The following DENND1B variants were observed in gnomAD, a reference collection of about 807,000 sequenced individuals.
DENND1B encodes the protein DENN domain containing 1B, also known as DENN domain-containing protein 1B.
In DENND1B, 59 loss-of-function variants were observed where a neutral mutation model predicts 90.1. The ratio of observed to expected loss-of-function variants is 0.65; its 90% confidence interval spans 0.53 to 0.81. The LOEUF (loss-of-function observed/expected upper bound fraction) is 0.81, where lower values mean the gene tolerates loss of function less well. DENND1B is among the 40% of genes least tolerant of loss of function. The probability of loss-of-function intolerance (pLI) is 0.00; values close to 1 mark genes in which losing one functional copy is unlikely to be tolerated. For missense variants in DENND1B, 862 were observed against 912.6 expected (o/e 0.94, Z 0.71); for synonymous variants, 337 against 324.6 (o/e 1.04, Z -0.41).
intron 10 of DENND1B, among the ~76,000 whole-genome samples, chr1:197,623,054 C>G (rs1294301267): frequency 6.6e-6 from 1 of 151,234 alleles, no homozygotes; most frequent in African/African-American, 2.4e-5. Flanking sequence ...ACTATTCTAG[C>G]CTCTGTATCA....
chr1:197,754,646 C>T lies in DENND1B; in HGVS notation c.82+18222G>A, dbSNP rs565160304. On this transcript the variant is annotated intron_variant, in intron 2 of 22. Coordinates refer to ENST00000620048, the MANE Select transcript of DENND1B (RefSeq NM_001195215.2). Reference sequence around the variant, plus strand: ...CCGCACTCTAGCCTGGGCAACAATGCGAGACTCTGTCTCAAAAAAAAAAAA... The same window carrying T: ...CCGCACTCTAGCCTGGGCAACAATGTGAGACTCTGTCTCAAAAAAAAAAAA... Among the ~76,000 whole-genome samples, 5 of 99,576 alleles carry T rather than the reference C, an allele frequency of 5.0e-5. No homozygotes were observed. The East Asian group carries it at 9.7e-4, about 19-fold the overall frequency. 65.3% of individuals were successfully genotyped at this position (99,576 alleles called of 152,430 possible).
intron 16 of DENND1B, among the ~76,000 whole-genome samples, chr1:197,551,797 A>G (rs1229395098): frequency 6.6e-6 from 1 of 152,168 alleles, no homozygotes; most frequent in Admixed American, 6.6e-5. Context: ...GTCTGAGTTG[A>G]GAAGTAAAAA....
chr1:197,603,309 A>G (rs1357552317), intron 13 of DENND1B, among the ~76,000 whole-genome samples: 2 of 151,372 alleles, frequency 1.3e-5, no homozygotes, highest in African/African-American at 4.8e-5. Flanking sequence ...TATTCATTAC[A>G]TTGTATATCA....
intron 20 of DENND1B, among the ~76,000 whole-genome samples, chr1:197,518,701 T>C (rs1489077247): frequency 6.6e-6 from 1 of 151,838 alleles, no homozygotes; most frequent in Admixed American, 6.6e-5. Flanking sequence ...GGCTCTAGAT[T>C]TACAATGCAA....
intron 2 of DENND1B, among the ~76,000 whole-genome samples, chr1:197,740,751 T>G (rs1049167188): frequency 1.3e-5 from 2 of 152,144 alleles, no homozygotes; most frequent in Admixed American, 1.3e-4. Flanking sequence ...TAGTTGTTGG[T>G]TCAGGCAGAA....
chr1:197,565,491 A>C (rs547082020), intron 15 of DENND1B, among the ~76,000 whole-genome samples: 21 of 149,322 alleles, frequency 1.4e-4, no homozygotes, highest in African/African-American at 4.2e-4. Flanking sequence ...TTTTTCTTTT[A>C]TTTTATTATT....
At chr1:197,686,964 TC>T (rs1423401174) in intron 3 of DENND1B, among the ~76,000 whole-genome samples, 1 of 152,200 alleles carries the variant, frequency 6.6e-6, no homozygotes, top group Non-Finnish European at 1.5e-5. Context: ...ACTTTTCCTC[TC>T]TTTGCTTCAA....
chr1:197,714,102 A>T (rs1484949943), intron 3 of DENND1B, among the ~76,000 whole-genome samples: 1 of 148,206 alleles, frequency 6.7e-6, no homozygotes, highest in Non-Finnish European at 1.5e-5. Context: ...TCAGCCTCCC[A>T]AGTAGCTGAG....
At chr1:197,762,515 A>G (rs1655208972) in intron 2 of DENND1B, among the ~76,000 whole-genome samples, 1 of 152,228 alleles carries the variant, frequency 6.6e-6, no homozygotes, top group Non-Finnish European at 1.5e-5. Context: ...AGTGAAGCCA[A>G]TTAACGCATC....
chr1:197,580,303 T>C (rs1674113788), intron 15 of DENND1B, among the ~76,000 whole-genome samples: 1 of 149,050 alleles, frequency 6.7e-6, no homozygotes, highest in South Asian at 2.2e-4. Context: ...TTTCACCGTA[T>C]TAGCCAGGAT....
intron 4 of DENND1B, 32 bp downstream of exon 4, chr1:197,674,088 T>G: frequency 1.4e-6 from 2 of 1,464,060 alleles, no homozygotes; most frequent in Non-Finnish European, 1.9e-6. Flanking sequence ...TATAAGAATC[T>G]ACATTTATTT....
At chr1:197,536,456 C>T (rs1311668688) in intron 20 of DENND1B, among the ~76,000 whole-genome samples, 93 of 151,980 alleles carry the variant, frequency 6.1e-4, no homozygotes, top group Non-Finnish European at 1.9e-4. Context: ...AACTGTTGGC[C>T]ACCAATTGGC....
chr1:197,591,085 CTTT>C (rs1298300648), intron 14 of DENND1B, among the ~76,000 whole-genome samples: 2 of 152,064 alleles, frequency 1.3e-5, no homozygotes, highest in Non-Finnish European at 2.9e-5. Flanking sequence ...TGGTTTTATT[CTTT>C]TTTGAGAACA....
chr1:197,695,843 CTTT>C (rs765832757), intron 3 of DENND1B, among the ~76,000 whole-genome samples: 34 of 151,062 alleles, frequency 2.3e-4, no homozygotes, highest in Non-Finnish European at 4.0e-4. Context: ...TTTATATCTT[CTTT>C]ATGATGATGC....
At position 197,572,807 on chromosome 1, in the gene DENND1B, C is replaced by A. The variant is rs142786540; in HGVS notation, c.1149+10345G>T. Among the ~76,000 whole-genome samples the A allele has an allele frequency of 5.9e-3, 897 of 152,268 alleles. 13 individuals carry two copies. The highest frequency in any genetic ancestry group is 0.02 in the African/African-American group (839 of 41,546). On this transcript the variant is annotated intron_variant, in intron 15 of 22. Coordinates refer to ENST00000620048, the MANE Select transcript of DENND1B (RefSeq NM_001195215.2). ...GGAGTAGACCTCCAGCAAACTCCAACCGACCTGCAGCTGAGGGACCTGACT... is the reference window on the plus strand; with the variant it reads ...GGAGTAGACCTCCAGCAAACTCCAAACGACCTGCAGCTGAGGGACCTGACT...
At chr1:197,759,672 G>C (rs1654768717) in intron 2 of DENND1B, among the ~76,000 whole-genome samples, 1 of 149,586 alleles carries the variant, frequency 6.7e-6, no homozygotes, top group Non-Finnish European at 1.5e-5. Context: ...GAACCCGGGA[G>C]GTGGAGGTTG....
chr1:197,518,877 C>CA (rs1370265495), intron 20 of DENND1B, among the ~76,000 whole-genome samples: 4 of 151,396 alleles, frequency 2.6e-5, no homozygotes, highest in African/African-American at 7.3e-5. Flanking sequence ...TTGAAATGGG[C>CA]AAAAAAAATA....
At chr1:197,701,607 A>G (rs193136523) in intron 3 of DENND1B, among the ~76,000 whole-genome samples, 1 of 152,100 alleles carries the variant, frequency 6.6e-6, no homozygotes, top group Non-Finnish European at 1.5e-5. Context: ...AAAAGGAGAA[A>G]AGCCAGAACA....
chr1:197,618,330 A>G (rs575571464), intron 10 of DENND1B, among the ~76,000 whole-genome samples: 9 of 151,174 alleles, frequency 6.0e-5, no homozygotes, highest in Non-Finnish European at 1.2e-4. Context: ...GTTCACTGAC[A>G]CATAGAATGT....
Sources: allele counts gnomAD v4.1 joint callset (sites outside exome capture counted in the v4.1 genomes callset), GRCh38; gene constraint gnomAD v4.1.1; transcripts MANE v1.5; gene names NCBI Gene and HGNC (gene_info 2026-07-23, HGNC 2026-07-21).